Variants in PIK3C2G observed in about 807,000 individuals in gnomAD.
PIK3C2G encodes the protein phosphatidylinositol 3-kinase C2 domain-containing subunit gamma.
Under a neutral mutation model 181.1 loss-of-function variants are expected in PIK3C2G, and 168 were observed. That is an observed-to-expected ratio of 0.93 (90% confidence interval 0.82 to 1.05). PIK3C2G has a LOEUF of 1.05. Ranked by LOEUF, PIK3C2G falls within the 50% of genes least tolerant of loss-of-function variation. The pLI, the probability that PIK3C2G is intolerant of heterozygous loss-of-function variation, is 0.00. For missense variants in PIK3C2G, 1,869 were observed against 1,732.8 expected, an observed-to-expected ratio of 1.08 and a Z score of -1.40; for synonymous variants, 573 against 592.2, an observed-to-expected ratio of 0.97 and a Z score of 0.47.
At chr12:18,617,701 C>A (rs1033411726) in intron 31 of PIK3C2G, among the ~76,000 whole-genome samples, 9 of 152,210 alleles carry the variant, frequency 5.9e-5, no homozygotes, top group Admixed American at 5.2e-4. Context: ...CCTGGCTCAT[C>A]AAAAACAGTT....
chr12:18,610,702 A>G (rs1431950357), intron 31 of PIK3C2G, among the ~76,000 whole-genome samples: 2 of 152,116 alleles, frequency 1.3e-5, no homozygotes, highest in Admixed American at 1.3e-4. Context: ...AAACCCTTAC[A>G]TTGCAAAATG....
At chr12:18,318,257 G>A (rs928028981) in intron 6 of PIK3C2G, among the ~76,000 whole-genome samples, 3 of 152,046 alleles carry the variant, frequency 2.0e-5, no homozygotes. Flanking sequence ...TATGTAACAA[G>A]AAAGTAAAAG....
At chr12:18,634,391 G>A (rs1949496543) in intron 31 of PIK3C2G, among the ~76,000 whole-genome samples, 1 of 152,214 alleles carries the variant, frequency 6.6e-6, no homozygotes, top group South Asian at 2.1e-4. Flanking sequence ...TCCTCACATG[G>A]AATACTGTGG....
chr12:18,298,404 TTTTC>T (rs1950033018), intron 5 of PIK3C2G, among the ~76,000 whole-genome samples: 2 of 121,430 alleles, frequency 1.6e-5, no homozygotes, highest in Middle Eastern at 4.1e-3. Context: ...TTTGTGTGTT[TTTTC>T]TTTTTTTTTT....
At chr12:18,498,342 A>T (rs982702628) in intron 22 of PIK3C2G, among the ~76,000 whole-genome samples, 2 of 152,234 alleles carry the variant, frequency 1.3e-5, no homozygotes, top group African/African-American at 4.8e-5. Flanking sequence ...ATGTCAATAG[A>T]CCACCCAAAT....
intron 31 of PIK3C2G, among the ~76,000 whole-genome samples, chr12:18,628,144 A>C (rs1949184896): frequency 6.6e-6 from 1 of 152,156 alleles, no homozygotes; most frequent in Non-Finnish European, 1.5e-5. Context: ...AACCTCCTCA[A>C]TAAACTGAAG....
chr12:18,491,362 C>A, intron 19 of PIK3C2G, 89 bp from the exon 20 acceptor site: 1 of 707,228 alleles, frequency 1.4e-6, no homozygotes, highest in Non-Finnish European at 2.4e-6. Context: ...TTCAAGAATT[C>A]ATTTAATCAA....
chr12:18,657,485 C>G, the PIK3C2G span, among the ~76,000 whole-genome samples: 2 of 152,240 alleles, frequency 1.3e-5, no homozygotes, highest in East Asian at 3.9e-4. Flanking sequence ...CCTCAACATT[C>G]ACATAGAGCC....
chr12:18,580,030 G>C (rs1373372209), intron 29 of PIK3C2G, among the ~76,000 whole-genome samples: 1 of 151,962 alleles, frequency 6.6e-6, no homozygotes, highest in Non-Finnish European at 1.5e-5. Flanking sequence ...CTACTTGGGA[G>C]GCTGAGGCAG....
At chr12:18,578,975 T>C (rs1946361947) in intron 29 of PIK3C2G, among the ~76,000 whole-genome samples, 2 of 152,092 alleles carry the variant, frequency 1.3e-5, no homozygotes, top group African/African-American at 4.8e-5. Context: ...TATGACAACA[T>C]AGGAAAAGTA....
chr12:18,419,818 A>G (rs1945377219), intron 16 of PIK3C2G, among the ~76,000 whole-genome samples: 1 of 152,122 alleles, frequency 6.6e-6, no homozygotes, highest in Admixed American at 6.6e-5. Flanking sequence ...TGAAGCTGCC[A>G]TCAAGGACAA....
At chr12:18,681,377 C>T in the PIK3C2G span, among the ~76,000 whole-genome samples, 1 of 151,962 alleles carries the variant, frequency 6.6e-6, no homozygotes, top group African/African-American at 2.4e-5. Context: ...TAGCCTTTTC[C>T]GATGTTTTCT....
chr12:18,702,938 A>G, the PIK3C2G span, among the ~76,000 whole-genome samples: 1 of 149,242 alleles, frequency 6.7e-6, no homozygotes, highest in Non-Finnish European at 1.5e-5. Flanking sequence ...CTCCTGCCTC[A>G]GCCTCCCAAG....
intron 18 of PIK3C2G, among the ~76,000 whole-genome samples, chr12:18,480,907 C>T (rs1271986316): frequency 6.6e-6 from 1 of 151,884 alleles, no homozygotes; most frequent in African/African-American, 2.4e-5. Context: ...CTCTGGTTCA[C>T]CCTTGAGTTT....
At chr12:18,696,149 C>T in the PIK3C2G span, 8 of 1,418,334 alleles carry the variant, frequency 5.6e-6, no homozygotes, top group Non-Finnish European at 7.9e-6. Flanking sequence ...ATATAACATA[C>T]CCATTTGACA....
rs749753611 is a variant in PIK3C2G, at chr12:18,346,849, G to C, written c.1625+13G>C. The stretch of plus-strand genomic sequence containing the variant: ...CCTGGGTGCACAGGTGAGTGGTGGT[G>C]AGTTTTTCACAAAAGCATTCATTTT... On this transcript the variant is annotated intron_variant, in intron 11 of 32. Coordinates refer to ENST00000538779, the MANE Select transcript of PIK3C2G (RefSeq NM_001288772.2). 1.3e-6 allele frequency: 2 copies of C among 1,564,490 alleles called. No homozygotes were observed. Among genetic ancestry groups the C allele is most frequent in the South Asian group, 2.3e-5 (2 of 85,820 alleles).
At chr12:18,516,019 G>C (rs1372672348) in intron 24 of PIK3C2G, among the ~76,000 whole-genome samples, 1 of 151,894 alleles carries the variant, frequency 6.6e-6, no homozygotes, top group Non-Finnish European at 1.5e-5. Flanking sequence ...CATAATTATA[G>C]TATTACGTTA....
chr12:18,619,947 A>G (rs375010198), intron 31 of PIK3C2G, among the ~76,000 whole-genome samples: 2 of 152,142 alleles, frequency 1.3e-5, no homozygotes, highest in African/African-American at 4.8e-5. Flanking sequence ...GATGTTCTCC[A>G]TCTCCTGACC....
At chr12:18,411,151 C>G (rs749686434) in intron 16 of PIK3C2G, among the ~76,000 whole-genome samples, 3 of 151,988 alleles carry the variant, frequency 2.0e-5, no homozygotes, top group Non-Finnish European at 2.9e-5. Flanking sequence ...CTTTACTGAT[C>G]CATTTAGAAT....
Sources: allele counts gnomAD v4.1 joint callset (sites outside exome capture counted in the v4.1 genomes callset), GRCh38; gene constraint gnomAD v4.1.1; transcripts MANE v1.5; gene names NCBI Gene and HGNC (gene_info 2026-07-23, HGNC 2026-07-21).